Variants in EXOC4 observed in about 807,000 individuals in gnomAD.
The protein encoded by EXOC4 is exocyst complex component 4, also known as SEC8-like 1.
EXOC4 carries 71 observed loss-of-function variants against 107.2 expected under a neutral mutation model. That is an observed-to-expected ratio of 0.66 (90% confidence interval 0.55 to 0.81). The LOEUF (loss-of-function observed/expected upper bound fraction) is 0.81. EXOC4 is among the 30% of genes least tolerant of loss of function. The pLI, the probability that EXOC4 is intolerant of heterozygous loss-of-function variation, is 0.00. For missense variants in EXOC4, 1,108 were observed against 1,189.6 expected, an observed-to-expected ratio of 0.93 and a Z score of 1.01; for synonymous variants, 456 against 441.2, an observed-to-expected ratio of 1.03 and a Z score of -0.42.
At chr7:133,265,360 C>T (rs1227661258) in intron 1 of EXOC4, among the ~76,000 whole-genome samples, 3 of 151,372 alleles carry the variant, frequency 2.0e-5, no homozygotes, top group Admixed American at 6.6e-5. Context: ...GGGCCAAGAT[C>T]GCGCCACTGC....
At chr7:134,019,231 C>T (rs1265052295) in intron 17 of EXOC4, among the ~76,000 whole-genome samples, 1 of 152,216 alleles carries the variant, frequency 6.6e-6, no homozygotes, top group South Asian at 2.1e-4. Flanking sequence ...CGCCCAGCCA[C>T]GATGTATGTT....
chr7:133,356,654 C>A (rs1796027638), intron 6 of EXOC4, 81 bp downstream of exon 6: 2 of 1,489,268 alleles, frequency 1.3e-6, no homozygotes, highest in African/African-American at 2.8e-5. Context: ...AACTTACCTT[C>A]TGTTGATGTT....
chr7:133,335,779 A>T (rs534578413), intron 5 of EXOC4, among the ~76,000 whole-genome samples: 16 of 152,300 alleles, frequency 1.1e-4, no homozygotes, highest in Admixed American at 7.8e-4. Context: ...CAGCAGGTAT[A>T]CCATTTTATA....
chr7:133,449,604 A>G (rs994510269), intron 7 of EXOC4, among the ~76,000 whole-genome samples: 3 of 152,046 alleles, frequency 2.0e-5, no homozygotes, highest in Non-Finnish European at 4.4e-5. Context: ...TTCTTTTTGT[A>G]AGTTCCTTAT....
intron 9 of EXOC4, among the ~76,000 whole-genome samples, chr7:133,528,938 T>A (rs1312000814): frequency 6.6e-6 from 1 of 152,142 alleles, no homozygotes; most frequent in African/African-American, 2.4e-5. Context: ...GAGTTTTGTA[T>A]ATGGATACCC....
intron 9 of EXOC4, among the ~76,000 whole-genome samples, chr7:133,604,716 T>C (rs1292077274): frequency 6.9e-4 from 64 of 93,352 alleles, no homozygotes; most frequent in Non-Finnish European, 9.1e-4. Context: ...CTTTCTTTTT[T>C]TTTTTTTTTT....
intron 14 of EXOC4, among the ~76,000 whole-genome samples, chr7:133,975,804 T>C (rs1793819953): frequency 6.6e-6 from 1 of 151,998 alleles, no homozygotes; most frequent in Non-Finnish European, 1.5e-5. Flanking sequence ...AAGAAGTAGA[T>C]ATCATAATCT....
At chr7:133,305,853 T>C (rs1794741029) in intron 3 of EXOC4, 24 bp from the exon 4 acceptor site, 1 of 1,560,750 alleles carries the variant, frequency 6.4e-7, no homozygotes, top group Non-Finnish European at 8.7e-7. Flanking sequence ...TACTTAATTG[T>C]CTTTCATTTT....
rs182365842 is a variant in EXOC4 at position 133,705,463 on chromosome 7, A to G, written c.1514+75322A>G. ...ATTCTGTCTGCTTCTAGTAGAAACT[A>G]TAGTTACTAAACAAATAAAAATATA... On this transcript the variant is annotated intron_variant, in intron 10 of 17. Coordinates refer to ENST00000253861, the MANE Select transcript of EXOC4 (RefSeq NM_021807.4). Among the ~76,000 whole-genome samples, 10 of 152,366 alleles carry G rather than the reference A, an allele frequency of 6.6e-5. No individual in the cohort carries two copies. In the East Asian group the frequency reaches 1.7e-3, roughly 26 times the overall value.
chr7:134,078,850 T>C, the EXOC4 span, among the ~76,000 whole-genome samples: 1 of 152,230 alleles, frequency 6.6e-6, no homozygotes, highest in African/African-American at 2.4e-5. Context: ...ATATAGAACT[T>C]CTTGCATCTT....
At chr7:133,595,946 C>T (rs1228193305) in intron 9 of EXOC4, among the ~76,000 whole-genome samples, 2 of 152,180 alleles carry the variant, frequency 1.3e-5, no homozygotes, top group South Asian at 2.1e-4. Flanking sequence ...TTCTGGCACC[C>T]CTGTCTGCCT....
At chr7:133,815,372 C>CAA (rs531468167) in intron 10 of EXOC4, among the ~76,000 whole-genome samples, 13 of 69,608 alleles carry the variant, frequency 1.9e-4, no homozygotes, top group African/African-American at 5.5e-4. Context: ...AAGACTGCTT[C>CAA]AAAAAAAAAA....
At chr7:133,323,107 T>C (rs1795152828) in intron 5 of EXOC4, among the ~76,000 whole-genome samples, 1 of 152,178 alleles carries the variant, frequency 6.6e-6, no homozygotes, top group African/African-American at 2.4e-5. Flanking sequence ...TAAGGAGATC[T>C]TGGGCTGAGA....
intron 9 of EXOC4, among the ~76,000 whole-genome samples, chr7:133,497,021 G>A (rs1799491231): frequency 6.6e-6 from 1 of 152,130 alleles, no homozygotes; most frequent in Admixed American, 6.5e-5. Context: ...GAATAGATTA[G>A]GCCATGTTGT....
chr7:134,033,788 A>G (rs1795323698), intron 17 of EXOC4, among the ~76,000 whole-genome samples: 2 of 152,154 alleles, frequency 1.3e-5, no homozygotes, highest in African/African-American at 2.4e-5. Context: ...AGCTCCAGAG[A>G]GAGGGGCATA....
chr7:133,967,704 G>T (rs1385100414), intron 14 of EXOC4, among the ~76,000 whole-genome samples: 3 of 152,266 alleles, frequency 2.0e-5, no homozygotes, highest in African/African-American at 7.2e-5. Flanking sequence ...GGTTTGTTAT[G>T]ATTTCCGTTC....
intron 12 of EXOC4, among the ~76,000 whole-genome samples, chr7:133,908,802 G>A (rs1349601331): frequency 6.6e-6 from 1 of 152,106 alleles, no homozygotes; most frequent in Non-Finnish European, 1.5e-5. Context: ...TGATATTATT[G>A]ATATTCAATA....
chr7:134,068,452 GC>G (rs901375713), downstream of EXOC4, among the ~76,000 whole-genome samples: 2 of 152,138 alleles, frequency 1.3e-5, no homozygotes, highest in African/African-American at 4.8e-5. Context: ...ACGTGACTTT[GC>G]TCCTCCTTCA....
At chr7:134,023,642 G>A (rs1251544198) in intron 17 of EXOC4, among the ~76,000 whole-genome samples, 1 of 152,152 alleles carries the variant, frequency 6.6e-6, no homozygotes, top group Non-Finnish European at 1.5e-5. Context: ...ACAAGACCAT[G>A]ATTCAAAGTC....
Sources: allele counts gnomAD v4.1 joint callset (sites outside exome capture counted in the v4.1 genomes callset), GRCh38; gene constraint gnomAD v4.1.1; transcripts MANE v1.5; gene names NCBI Gene and HGNC (gene_info 2026-07-23, HGNC 2026-07-21).